Variants in RYR2 observed in about 807,000 individuals in gnomAD.
RYR2 encodes the protein ryanodine receptor 2.
In RYR2, 227 loss-of-function variants were observed where a neutral mutation model predicts 601.1. The observed-to-expected ratio is 0.38, with a 90% CI of 0.34 to 0.42. RYR2 has a LOEUF of 0.42. Ranked by LOEUF, RYR2 falls within the 10% of genes least tolerant of loss-of-function variation. RYR2 has a pLI of 1.00. For synonymous variants in RYR2, 2,223 were observed against 2,175.1 expected (o/e 1.02, Z -0.61); for missense variants, 4,646 against 6,156.5 (o/e 0.75, Z 8.21).
chr1:237,261,926 T>C (rs1409167679), intron 1 of RYR2, among the ~76,000 whole-genome samples: 1 of 152,202 alleles, frequency 6.6e-6, no homozygotes, highest in East Asian at 1.9e-4. Context: ...TTTTAGTTTA[T>C]TTTTTAAAAT....
At position 237,348,075 on chromosome 1, in the gene RYR2, A is replaced by G. The variant is rs549568721; in HGVS notation, c.274-7890A>G. 3.9e-5 allele frequency among the ~76,000 whole-genome samples: 6 copies of G among 152,316 alleles called. No homozygotes were observed. In the East Asian group the frequency reaches 1.2e-3, roughly 29 times the overall value. On this transcript the variant is annotated intron_variant, in intron 3 of 104. Transcript: ENST00000366574. Reference sequence around the variant, plus strand: ...AACGTAGGCAGAATTTGAGGATACAAGATCTTGAAGGAAAAAGAGAAATAA... The same window carrying G: ...AACGTAGGCAGAATTTGAGGATACAGGATCTTGAAGGAAAAAGAGAAATAA...
intron 1 of RYR2, among the ~76,000 whole-genome samples, chr1:237,101,570 C>G (rs1371050733): frequency 6.6e-6 from 1 of 152,162 alleles, no homozygotes; most frequent in Non-Finnish European, 1.5e-5. Flanking sequence ...AGCTCTTTTT[C>G]GTACATATAA....
chr1:237,083,756 T>G (rs1188909604), intron 1 of RYR2, among the ~76,000 whole-genome samples: 1 of 152,138 alleles, frequency 6.6e-6, no homozygotes, highest in Non-Finnish European at 1.5e-5. Context: ...GCTTCTTATA[T>G]TACTGGCCTT....
intron 34 of RYR2, among the ~76,000 whole-genome samples, chr1:237,600,729 A>G (rs191302220): frequency 1.4e-3 from 218 of 152,346 alleles, no homozygotes; most frequent in Non-Finnish European, 2.6e-3. Flanking sequence ...TCCAGAATAT[A>G]TAAGGAACAC....
chr1:237,530,330 G>A, intron 24 of RYR2, 97 bp from the exon 25 acceptor site: 1 of 794,960 alleles, frequency 1.3e-6, no homozygotes, highest in East Asian at 2.9e-5. Context: ...AAAAAATTGT[G>A]CTTTCAAGGT....
chr1:237,760,931 T>G lies in RYR2; in HGVS notation c.11403-24T>G, dbSNP rs770482954. On this transcript the variant is annotated intron_variant, in intron 83 of 104. Coordinates refer to ENST00000366574, the MANE Select transcript of RYR2 (RefSeq NM_001035.3). The stretch of plus-strand genomic sequence containing the variant: ...AAATGTTCTATTAGTCCTCTAAATG[T>G]TTTTTTTTCCCTTGTTATTATAGTG... 5.5e-6 allele frequency: 8 copies of G among 1,460,556 alleles called. No homozygotes were observed. The Admixed American group carries it at 1.2e-4, about 22-fold the overall frequency. 90.5% of individuals were successfully genotyped at this position (1,460,556 alleles called of 1,614,324 possible). A position where few individuals can be genotyped will look rare whatever the true frequency, so the allele number is the denominator to read the frequency against.
At chr1:237,780,201 T>A (rs895456546) in intron 88 of RYR2, among the ~76,000 whole-genome samples, 38 of 152,336 alleles carry the variant, frequency 2.5e-4, no homozygotes, top group African/African-American at 7.9e-4. Context: ...CAGAGGTACC[T>A]GACTAGAGTT....
chr1:237,540,199 G>A (rs554837691), intron 25 of RYR2, among the ~76,000 whole-genome samples: 5 of 151,770 alleles, frequency 3.3e-5, no homozygotes, highest in East Asian at 1.9e-4. Flanking sequence ...AAAGAAATAC[G>A]CAACTGAAAA....
chr1:237,122,361 G>A (rs150690842), intron 1 of RYR2, among the ~76,000 whole-genome samples: 109 of 152,334 alleles, frequency 7.2e-4, no homozygotes, highest in Non-Finnish European at 1.0e-3. Flanking sequence ...GCAGAAAAAT[G>A]ATGGCTTACA....
rs566968706 is a variant in RYR2, at chr1:237,291,682, A to G, written c.168+21066A>G. ...TCACTAAGTGAAAGAAGCCAATCTGAAAAAGGCTACATAATACGACATTCT... is the reference window on the plus strand; with the variant it reads ...TCACTAAGTGAAAGAAGCCAATCTGGAAAAGGCTACATAATACGACATTCT... On this transcript the variant is annotated intron_variant, in intron 2 of 104. Coordinates refer to ENST00000366574, the MANE Select transcript of RYR2 (RefSeq NM_001035.3). 7.9e-5 allele frequency among the ~76,000 whole-genome samples: 12 copies of G among 152,332 alleles called. No homozygotes were observed. The South Asian group carries it at 2.1e-3, about 26-fold the overall frequency.
chr1:237,641,385 T>C (rs1034199489), intron 47 of RYR2, among the ~76,000 whole-genome samples: 7 of 152,212 alleles, frequency 4.6e-5, no homozygotes, highest in East Asian at 1.9e-4. Context: ...TCTATGTGTT[T>C]GCCATCGTTT....
At position 237,496,613 on chromosome 1, in the gene RYR2, T is replaced by G; in HGVS notation, c.2064T>G (p.Ala688=). ...MVDHTEPFVT[A]EATHLRVGWA... Reference sequence around the variant, plus strand: ...ACCACACAGAGCCCTTTGTGACAGCTGAAGCAACTCACCTGCGAGTGGGCT... The same window carrying G: ...ACCACACAGAGCCCTTTGTGACAGCGGAAGCAACTCACCTGCGAGTGGGCT... The change falls in exon 20 of 105, where the codon GCT becomes GCG. Residue 688 remains alanine, a synonymous_variant. Coordinates refer to ENST00000366574, the MANE Select transcript of RYR2 (RefSeq NM_001035.3). The G allele has an allele frequency of 6.2e-7, 1 of 1,613,982 alleles. No homozygotes were observed. Among genetic ancestry groups the G allele is most frequent in the Non-Finnish European group, 8.5e-7 (1 of 1,179,898 alleles).
intron 1 of RYR2, among the ~76,000 whole-genome samples, chr1:237,140,760 T>C (rs576176033): frequency 5.9e-5 from 9 of 152,320 alleles, no homozygotes; most frequent in African/African-American, 2.2e-4. Flanking sequence ...ATTACAGGTG[T>C]CTTTGACTTA....
At chr1:237,485,343 G>A (rs775231813) in intron 17 of RYR2, among the ~76,000 whole-genome samples, 1 of 152,118 alleles carries the variant, frequency 6.6e-6, no homozygotes, top group Non-Finnish European at 1.5e-5. Context: ...TGGCAAACAC[G>A]AGATGACCTT....
At chr1:237,513,790 G>A (rs77733360) in intron 24 of RYR2, among the ~76,000 whole-genome samples, 3 of 152,088 alleles carry the variant, frequency 2.0e-5, no homozygotes, top group Non-Finnish European at 4.4e-5. Context: ...AGGTTTGTAC[G>A]AATATACTCT....
intron 1 of RYR2, among the ~76,000 whole-genome samples, chr1:237,129,518 A>G (rs1204609355): frequency 6.6e-6 from 1 of 152,174 alleles, no homozygotes; most frequent in African/African-American, 2.4e-5. Flanking sequence ...TTCTAGAAGC[A>G]ATTTTGACAG....
chr1:237,259,798 C>T (rs887433092), intron 1 of RYR2, among the ~76,000 whole-genome samples: 1 of 152,124 alleles, frequency 6.6e-6, no homozygotes, highest in African/African-American at 2.4e-5. Context: ...CCCAGTTCAT[C>T]CACTGGTGGG....
chr1:237,747,789 T>C (rs991316403), intron 80 of RYR2, among the ~76,000 whole-genome samples: 2 of 152,174 alleles, frequency 1.3e-5, no homozygotes, highest in Admixed American at 6.5e-5. Context: ...ATTAAAGATA[T>C]AGCTACGGAT....
intron 3 of RYR2, among the ~76,000 whole-genome samples, chr1:237,333,297 C>T (rs560369832): frequency 1.3e-5 from 2 of 152,244 alleles, no homozygotes; most frequent in East Asian, 3.9e-4. Flanking sequence ...AACGGGGTAC[C>T]GTATATTAGG....
Sources: gnomAD v4.1 joint callset for allele counts (sites outside exome capture counted in the v4.1 genomes callset) on GRCh38, gnomAD v4.1.1 for gene constraint, MANE v1.5 for transcripts, NCBI Gene and HGNC (gene_info 2026-07-23, HGNC 2026-07-21) for gene names.